Variants in ZRSR2 observed in about 807,000 individuals in gnomAD.
The protein encoded by ZRSR2 is U2 small nuclear ribonucleoprotein auxiliary factor 35 kDa subunit-related protein 2.
In ZRSR2, 3 loss-of-function variants were observed where a neutral mutation model predicts 39.4. The observed-to-expected ratio is 0.08, with a 90% CI of 0.03 to 0.20. The LOEUF is 0.20. Among genes scored for constraint, ZRSR2 ranks in the 10% least tolerant of loss-of-function variants. The probability of loss-of-function intolerance (pLI) is 1.00; values close to 1 mark genes in which losing one functional copy is unlikely to be tolerated. For synonymous variants in ZRSR2, 137 were observed against 136.0 expected, an observed-to-expected ratio of 1.01 and a Z score of -0.05; for missense variants, 256 against 391.5, an observed-to-expected ratio of 0.65 and a Z score of 2.92.
chrX:15,819,507 G>A (rs1470687185), intron 9 of ZRSR2, among the ~76,000 whole-genome samples: 1 of 110,669 alleles, frequency 9.0e-6, no homozygotes, highest in African/African-American at 3.3e-5. Flanking sequence ...AGCCCAGGAG[G>A]TCGAGGCTGC....
At chrX:15,800,206 T>A (rs1335866074) in intron 3 of ZRSR2, among the ~76,000 whole-genome samples, 2 of 94,796 alleles carry the variant, frequency 2.1e-5, no homozygotes, top group Non-Finnish European at 4.3e-5. Context: ...TTTTTTTTTT[T>A]AGACGGAGTC....
intron 2 of ZRSR2, 84 bp from the exon 3 acceptor site, chrX:15,799,788 A>G: frequency 3.4e-6 from 2 of 591,454 alleles, no homozygotes; most frequent in Non-Finnish European, 2.6e-6. Flanking sequence ...AATTTTATAC[A>G]TTAAAGATTA....
intron 5 of ZRSR2, 175 bp downstream of exon 5, chrX:15,804,372 C>G (rs747269110): frequency 7.3e-6 from 3 of 412,583 alleles, no homozygotes; most frequent in Non-Finnish European, 9.2e-6. Flanking sequence ...TTCTTCGGGT[C>G]CGTGCAGTGG....
chrX:15,799,323 T>C (rs1394061155), intron 2 of ZRSR2, among the ~76,000 whole-genome samples: 1 of 111,532 alleles, frequency 9.0e-6, no homozygotes, highest in Non-Finnish European at 1.9e-5. Context: ...CATTCGATGT[T>C]TTTAATGTCT....
At chrX:15,820,638 C>G (rs1489626101) in intron 10 of ZRSR2, among the ~76,000 whole-genome samples, 1 of 112,132 alleles carries the variant, frequency 8.9e-6, no homozygotes, top group East Asian at 2.8e-4. Flanking sequence ...GTGGAAGCCC[C>G]ATTTCCCTTG....
chrX:15,791,138 T>C, intron 2 of ZRSR2, 125 bp downstream of exon 2: 1 of 560,380 alleles, frequency 1.8e-6, no homozygotes, highest in Non-Finnish European at 2.9e-6. Flanking sequence ...CTGTGACTTC[T>C]GCCCCCAAGT....
intron 7 of ZRSR2, among the ~76,000 whole-genome samples, chrX:15,815,434 T>A (rs1287062373): frequency 8.9e-6 from 1 of 112,218 alleles, no homozygotes; most frequent in African/African-American, 3.2e-5. Flanking sequence ...GTAGCTGGGA[T>A]TATAGGCACT....
chrX:15,811,805 C>T (rs891614682), intron 7 of ZRSR2, among the ~76,000 whole-genome samples: 1 of 112,326 alleles, frequency 8.9e-6, no homozygotes, highest in African/African-American at 3.2e-5. Flanking sequence ...ACAGGCCCTA[C>T]CTTGTGGGAA....
At chrX:15,791,051 T>C (rs1237540782) in intron 2 of ZRSR2, 38 bp downstream of exon 2, 7 of 1,141,841 alleles carry the variant, frequency 6.1e-6, no homozygotes, top group Non-Finnish European at 7.2e-6. Flanking sequence ...TGTTGTGAAA[T>C]TGCTCTGTCC....
rs145586727 is a variant in ZRSR2 at position 15,804,153 on chromosome X, A to G, written c.355A>G (p.Arg119Gly). The change falls in exon 5 of 11, where the codon AGA (arginine) becomes GGA (glycine). Residue 119 changes from arginine (R) to glycine (G), a missense_variant. Arg to Gly is a moderately radical substitution (Grantham distance 125). Coordinates refer to ENST00000307771, the MANE Select transcript of ZRSR2 (RefSeq NM_005089.4). ...ATGGGAAGAACAGCAGAGGAAAGAG[A>G]GAGAAGAGGAGGAGCAGAAACGACA... ...EQWEEQQRKE[R>G]EEEEQKRQEK... 1.9e-5 allele frequency: 23 copies of G among 1,195,618 alleles called. No individual in the cohort carries two copies. The highest frequency in any genetic ancestry group is 2.6e-5 in the Non-Finnish European group (23 of 888,184).
rs1234912889 is a variant in ZRSR2, at chrX:15,807,586, G to T, written c.400-647G>T. Among the ~76,000 whole-genome samples, 334 of 109,699 alleles carry T rather than the reference G, an allele frequency of 3.0e-3. 1 individual carries two copies. Among genetic ancestry groups the T allele is most frequent in the Non-Finnish European group, 5.2e-3 (274 of 52,584 alleles). On this transcript the variant is annotated intron_variant, in intron 5 of 10. Transcript: ENST00000307771. ...ATTATAGGTGTGAGCCACCATGCCC[G>T]GCCTAGCATTGTGTTTTATATTCAC...
chrX:15,807,532 C>T (rs1170558929), intron 5 of ZRSR2, among the ~76,000 whole-genome samples: 1 of 108,199 alleles, frequency 9.2e-6, no homozygotes, highest in East Asian at 3.0e-4. Flanking sequence ...TCAAGTGATC[C>T]ACCCGCCTCA....
intron 2 of ZRSR2, among the ~76,000 whole-genome samples, chrX:15,791,638 TTTTTC>T (rs1569062082): frequency 1.0e-5 from 1 of 96,807 alleles, no homozygotes; most frequent in Non-Finnish European, 2.0e-5. Flanking sequence ...CCTGGCTAAT[TTTTTC>T]TTTTCTTTTC....
chrX:15,794,748 T>C (rs5978739), intron 2 of ZRSR2, among the ~76,000 whole-genome samples: 6,189 of 111,972 alleles, frequency 0.055, 189 homozygotes, highest in Middle Eastern at 0.13. Context: ...TTATAATTTC[T>C]GTCTGACATT....
Position 15,815,775 on chromosome X carries a change from A to G in ZRSR2, c.656A>G (p.Tyr219Cys). ...ATGGAGCAGTGCAGGAGGGATGACT[A>G]TGACCCTGACGCAAGCCTGGAGTAC... ...FGMEQCRRDD[Y>C]DPDASLEYSE... Residue 219 changes from tyrosine (Y) to cysteine (C), a missense_variant, in exon 8 of 11, where the codon TAT (tyrosine) becomes TGT (cysteine). Around this residue, in one of 3 missense-constraint regions of ZRSR2, gnomAD observed 58 missense variants for 163.1 expected, o/e 0.36. Transcript: ENST00000307771. The G allele has an allele frequency of 8.3e-7, 1 of 1,211,444 alleles. No individual in the cohort carries two copies. The highest frequency in any genetic ancestry group is 1.1e-6 in the Non-Finnish European group (1 of 895,070).
rs781349996 is a variant in ZRSR2, at chrX:15,813,395, C to T, written c.558-2282C>T. Among the ~76,000 whole-genome samples, 35 of 112,382 alleles carry T rather than the reference C, an allele frequency of 3.1e-4. No homozygotes were observed. The South Asian group carries it at 4.1e-3, about 13-fold the overall frequency. ...TGGTCTAGGGTAGGAAGTAAGAAAT[C>T]TCAGTTCTTTCCAGGTAATTCTGAG... On this transcript the variant is annotated intron_variant, in intron 7 of 10. Coordinates refer to ENST00000307771, the MANE Select transcript of ZRSR2 (RefSeq NM_005089.4).
chrX:15,813,511 C>T (rs756017523), intron 7 of ZRSR2, among the ~76,000 whole-genome samples: 1 of 111,945 alleles, frequency 8.9e-6, no homozygotes, highest in African/African-American at 3.2e-5. Context: ...TAGGGCTGGC[C>T]TTTTGTATAC....
At chrX:15,796,430 T>C (rs1039940239) in intron 2 of ZRSR2, among the ~76,000 whole-genome samples, 1 of 112,300 alleles carries the variant, frequency 8.9e-6, no homozygotes, top group African/African-American at 3.2e-5. Context: ...CTCACTGCAA[T>C]AGCAGCAGGA....
chrX:15,792,105 C>A, intron 2 of ZRSR2, among the ~76,000 whole-genome samples: 1 of 112,224 alleles, frequency 8.9e-6, no homozygotes, highest in Non-Finnish European at 1.9e-5. Flanking sequence ...CACACCTGAC[C>A]TGAAGCCATT....
Sources: allele counts gnomAD v4.1 joint callset (sites outside exome capture counted in the v4.1 genomes callset), GRCh38; gene constraint gnomAD v4.1.1; regional missense constraint gnomAD v4.1.1; transcripts MANE v1.5; gene names NCBI Gene and HGNC (gene_info 2026-07-23, HGNC 2026-07-21).